The following STOX2 variants were observed in gnomAD, a reference collection of about 807,000 sequenced individuals.
STOX2 encodes storkhead-box protein 2.
In STOX2, 28 loss-of-function variants were observed where a neutral mutation model predicts 60.9. That is an observed-to-expected ratio of 0.46 (90% CI 0.34 to 0.63). The LOEUF is 0.63. Ranked by LOEUF, STOX2 falls within the 30% of genes least tolerant of loss-of-function variation. The pLI is 0.01. For missense variants in STOX2, 1,024 were observed against 1,187.7 expected (o/e 0.86, Z 2.03); for synonymous variants, 472 against 463.9 (o/e 1.02, Z -0.22).
At chr4:183,810,198 C>G (rs555361911) in intron 1 of STOX2, among the ~76,000 whole-genome samples, 14 of 152,304 alleles carry the variant, frequency 9.2e-5, no homozygotes, top group African/African-American at 3.1e-4. Context: ...TGCCACCTTG[C>G]AGTTGCAGGG....
At chr4:183,847,005 G>A (rs1740004747) in intron 1 of STOX2, among the ~76,000 whole-genome samples, 2 of 152,156 alleles carry the variant, frequency 1.3e-5, no homozygotes, top group African/African-American at 2.4e-5. Context: ...TATGTCCATG[G>A]AAGCTTATGT....
Position 184,017,080 on chromosome 4 carries a change from C to A in STOX2, c.2586-9C>A, listed in dbSNP as rs1397786833. ...AACAAAACAAAACAAACCCTTTTTG[C>A]TCTTTTAGTACTCGGGAGAGCCTGG... On this transcript the variant is annotated splice_polypyrimidine_tract_variant and intron_variant, in intron 3 of 3. Coordinates refer to ENST00000308497, the MANE Select transcript of STOX2 (RefSeq NM_020225.3). 1.9e-6 allele frequency: 3 copies of A among 1,576,416 alleles called. No individual in the cohort carries two copies. Among genetic ancestry groups the A allele is most frequent in the Admixed American group, 3.9e-5 (2 of 51,504 alleles).
intron 1 of STOX2, among the ~76,000 whole-genome samples, chr4:183,818,748 C>T (rs999877246): frequency 6.6e-6 from 1 of 150,786 alleles, no homozygotes; most frequent in Non-Finnish European, 1.5e-5. Context: ...CCCTCCTGGA[C>T]AGGGCGGCTG....
chr4:183,826,121 C>G (rs1423983026), intron 1 of STOX2, among the ~76,000 whole-genome samples: 1 of 152,142 alleles, frequency 6.6e-6, no homozygotes, highest in Non-Finnish European at 1.5e-5. Context: ...AGGAGTGGGG[C>G]TGGGGACCTG....
At chr4:183,813,152 G>A (rs1396721376) in intron 1 of STOX2, among the ~76,000 whole-genome samples, 1 of 152,162 alleles carries the variant, frequency 6.6e-6, no homozygotes. Context: ...GGGAAGCCGA[G>A]GGGGGCAGAT....
At chr4:183,894,551 C>A (rs1039988780) in intron 1 of STOX2, among the ~76,000 whole-genome samples, 5 of 150,416 alleles carry the variant, frequency 3.3e-5, no homozygotes, top group South Asian at 2.1e-4. Context: ...ATATATGGGA[C>A]CTTTTTTTTT....
intron 1 of STOX2, among the ~76,000 whole-genome samples, chr4:183,883,607 C>T (rs7696503): frequency 0.14 from 21,572 of 152,078 alleles, 1,902 homozygotes; most frequent in African/African-American, 0.24. Context: ...TGAGCCACCG[C>T]GCCTGGCCGA....
chr4:183,867,585 C>T (rs556375180), intron 1 of STOX2, among the ~76,000 whole-genome samples: 3 of 152,184 alleles, frequency 2.0e-5, no homozygotes, highest in Non-Finnish European at 2.9e-5. Context: ...CCTGCTTTAC[C>T]GTGGGACATG....
At chr4:183,940,086 A>G (rs965039252) in intron 1 of STOX2, among the ~76,000 whole-genome samples, 3 of 152,168 alleles carry the variant, frequency 2.0e-5, no homozygotes, top group African/African-American at 7.2e-5. Context: ...TATTTTTAGT[A>G]GATTCGGGGT....
At chr4:183,974,973 G>T (rs952883150) in intron 1 of STOX2, among the ~76,000 whole-genome samples, 1 of 151,932 alleles carries the variant, frequency 6.6e-6, no homozygotes, top group Non-Finnish European at 1.5e-5. Flanking sequence ...ATGATTAAAA[G>T]AATTGAAATA....
rs1560857849 is a variant in STOX2, at chr4:183,874,973, ATATATATATATATATAT to A, written c.364+76919_364+76935del. Among the ~76,000 whole-genome samples, 18 of 110,674 alleles carry A rather than the reference ATATATATATATATATAT, an allele frequency of 1.6e-4. 1 individual carries two copies. In the South Asian group the frequency reaches 1.8e-3, roughly 11 times the overall value. 72.6% of individuals were successfully genotyped at this position (110,674 alleles called of 152,430 possible). On this transcript the variant is annotated intron_variant, in intron 1 of 2. Coordinates refer to the STOX2 transcript ENST00000513034. ...AAAAAATATATATATATATATATAT[ATATATATATATATATAT>A]ATAAAACTTAGAATTTTGCAGTGTG...
chr4:183,864,975 T>C (rs1355844341), intron 1 of STOX2, among the ~76,000 whole-genome samples: 9 of 152,248 alleles, frequency 5.9e-5, no homozygotes, highest in Admixed American at 5.9e-4. Context: ...AATGCTTTTC[T>C]TTCTTCTGCT....
At chr4:183,843,530 TG>T (rs1384876859) in intron 1 of STOX2, among the ~76,000 whole-genome samples, 1 of 152,184 alleles carries the variant, frequency 6.6e-6, no homozygotes. Flanking sequence ...CTTTCGACTG[TG>T]GGGCCATATG....
At chr4:183,987,683 T>G (rs779654542) in intron 1 of STOX2, 4 of 152,226 alleles carry the variant, frequency 2.6e-5, no homozygotes, top group Non-Finnish European at 4.4e-5. Flanking sequence ...TGGCTGGTGC[T>G]GGGTGAGCTC....
At position 183,906,798 on chromosome 4, in the gene STOX2, A is replaced by G; in HGVS notation, c.8A>G (p.Lys3Arg). Residue 3 changes from lysine (K) to arginine (R), a missense_variant, in exon 1 of 4, where the codon AAG becomes AGG. Physicochemically the swap from Lys to Arg is conservative, Grantham distance 26. Coordinates refer to ENST00000308497, the MANE Select transcript of STOX2 (RefSeq NM_020225.3). ...CAGGTCGCCCTCCCCACCATGAAGA[A>G]GACCCGGAGCACAACCTTGCGGCGA... MK[K>R]TRSTTLRRAW... is the part of the protein sequence containing the mutation. 2 of 1,540,394 alleles carry G rather than the reference A, an allele frequency of 1.3e-6. No individual in the cohort carries two copies. The highest frequency in any genetic ancestry group is 1.8e-6 in the Non-Finnish European group (2 of 1,140,972).
At chr4:183,879,054 A>G (rs1378186154) in intron 1 of STOX2, among the ~76,000 whole-genome samples, 1 of 152,132 alleles carries the variant, frequency 6.6e-6, no homozygotes, top group Non-Finnish European at 1.5e-5. Context: ...ATGTGCCCAC[A>G]GCCTGTTTCT....
chr4:183,841,117 C>G (rs1739848999), intron 1 of STOX2, among the ~76,000 whole-genome samples: 1 of 152,216 alleles, frequency 6.6e-6, no homozygotes, highest in African/African-American at 2.4e-5. Context: ...ATCTGCCCGC[C>G]CCGACCTCCC....
intron 1 of STOX2, among the ~76,000 whole-genome samples, chr4:183,839,146 G>T (rs1739788272): frequency 6.6e-6 from 1 of 152,170 alleles, no homozygotes; most frequent in South Asian, 2.1e-4. Context: ...GGCTAGCAGA[G>T]TTCCCTCTTC....
chr4:183,948,992 G>A (rs6853748), intron 1 of STOX2, among the ~76,000 whole-genome samples: 19,622 of 152,140 alleles, frequency 0.13, 1,403 homozygotes, highest in East Asian at 0.29. Flanking sequence ...GCTGAAACAA[G>A]GATGCTAATT....
Sources: gnomAD v4.1 joint callset for allele counts (sites outside exome capture counted in the v4.1 genomes callset) on GRCh38, gnomAD v4.1.1 for gene constraint, MANE v1.5 for transcripts, NCBI Gene and HGNC (gene_info 2026-07-23, HGNC 2026-07-21) for gene names.